PHF24: variants seen among roughly 807,000 people sequenced by gnomAD.
The protein encoded by PHF24 is PHD finger protein 24.
A neutral mutation model predicts 42.6 loss-of-function variants in PHF24; 25 were observed. The observed-to-expected ratio is 0.59, with a 90% CI of 0.43 to 0.82. The LOEUF (loss-of-function observed/expected upper bound fraction) is 0.82, where lower values mean the gene tolerates loss of function less well. Among genes scored for constraint, PHF24 ranks in the 40% least tolerant of loss-of-function variants. The pLI is 0.00. For missense variants in PHF24, 470 were observed against 538.1 expected (o/e 0.87, Z 1.25); for synonymous variants, 185 against 204.8 (o/e 0.90, Z 0.83).
chr9:34,795,684 T>TTAATTAGGA, the PHF24 span, among the ~76,000 whole-genome samples: 1 of 152,086 alleles, frequency 6.6e-6, no homozygotes, highest in African/African-American at 2.4e-5. Context: ...TAAAACTACA[T>TTAATTAGGA]TAATTAGGAT....
chr9:34,754,881 A>G, the PHF24 span, among the ~76,000 whole-genome samples: 1 of 152,238 alleles, frequency 6.6e-6, no homozygotes, highest in Non-Finnish European at 1.5e-5. Flanking sequence ...ATAAAAAACG[A>G]TGAGGTTCTG....
At chr9:34,922,590 G>A in the PHF24 span, 6 of 955,002 alleles carry the variant, frequency 6.3e-6, no homozygotes, top group South Asian at 6.5e-5. Flanking sequence ...GCTCTCGCTT[G>A]TGAAGCACTG....
the PHF24 span, among the ~76,000 whole-genome samples, chr9:34,793,984 T>C: frequency 6.6e-6 from 1 of 151,534 alleles, no homozygotes. Flanking sequence ...AAAGCCCTGG[T>C]TTTCTCACTC....
chr9:34,817,730 A>G, the PHF24 span, among the ~76,000 whole-genome samples: 9 of 152,102 alleles, frequency 5.9e-5, no homozygotes, highest in South Asian at 6.2e-4. Flanking sequence ...GAATTTATCA[A>G]TTTTTTTCTT....
At chr9:34,880,891 C>G in the PHF24 span, among the ~76,000 whole-genome samples, 2 of 152,186 alleles carry the variant, frequency 1.3e-5, no homozygotes, top group South Asian at 2.1e-4. Flanking sequence ...CACCCCAAAT[C>G]AACAGAATGT....
chr9:34,711,364 A>G, the PHF24 span, among the ~76,000 whole-genome samples: 8 of 150,880 alleles, frequency 5.3e-5, no homozygotes, highest in Admixed American at 4.6e-4. Context: ...CTTCCACCTC[A>G]GTCTCCTGAG....
the PHF24 span, among the ~76,000 whole-genome samples, chr9:34,831,744 C>G: frequency 1.3e-5 from 2 of 152,292 alleles, no homozygotes; most frequent in East Asian, 3.9e-4. Context: ...ACAGGCCCTT[C>G]TCCATTTTCT....
At chr9:34,778,894 G>A in the PHF24 span, among the ~76,000 whole-genome samples, 2 of 152,116 alleles carry the variant, frequency 1.3e-5, no homozygotes, top group African/African-American at 4.8e-5. Context: ...AAATTAAAGT[G>A]ATCAAAATCA....
the PHF24 span, among the ~76,000 whole-genome samples, chr9:34,927,258 C>G: frequency 0.017 from 2,545 of 152,234 alleles, 72 homozygotes; most frequent in African/African-American, 0.058. Context: ...GGCCCAAGCT[C>G]TGTGCAGCTG....
At chr9:34,811,778 CA>C in the PHF24 span, among the ~76,000 whole-genome samples, 2 of 151,128 alleles carry the variant, frequency 1.3e-5, no homozygotes, top group African/African-American at 2.4e-5. Context: ...GCATGAGTAA[CA>C]AAAGAAAAAA....
chr9:34,675,033 T>C, the PHF24 span, among the ~76,000 whole-genome samples: 1 of 152,096 alleles, frequency 6.6e-6, no homozygotes, highest in Non-Finnish European at 1.5e-5. Flanking sequence ...ATTTTTTGTA[T>C]TTTTAGTAGA....
the PHF24 span, among the ~76,000 whole-genome samples, chr9:34,819,947 G>A: frequency 2.0e-5 from 3 of 151,862 alleles, no homozygotes; most frequent in East Asian, 1.9e-4. Flanking sequence ...ATCAGGTTTT[G>A]TTTCCTGTAC....
the PHF24 span, among the ~76,000 whole-genome samples, chr9:34,738,426 C>T: frequency 6.6e-6 from 1 of 152,104 alleles, no homozygotes; most frequent in African/African-American, 2.4e-5. Context: ...TCTCGGCTCA[C>T]TGCAATCTCT....
chr9:34,970,944 AG>A (rs1376916517), intron 1 of PHF24, among the ~76,000 whole-genome samples: 1 of 152,154 alleles, frequency 6.6e-6, no homozygotes, highest in Admixed American at 6.5e-5. Flanking sequence ...CAAAGTTGCA[AG>A]GCCTGTCAGA....
At chr9:34,779,854 T>C in the PHF24 span, among the ~76,000 whole-genome samples, 1 of 152,198 alleles carries the variant, frequency 6.6e-6, no homozygotes, top group Non-Finnish European at 1.5e-5. Flanking sequence ...GCTTCCTGAG[T>C]AGCTGGGAGT....
At chr9:34,844,502 C>G in the PHF24 span, among the ~76,000 whole-genome samples, 2 of 152,096 alleles carry the variant, frequency 1.3e-5, no homozygotes, top group Non-Finnish European at 2.9e-5. Flanking sequence ...TCATTTGCCT[C>G]AAGATATTTT....
chr9:34,817,616 T>C, the PHF24 span, among the ~76,000 whole-genome samples: 1 of 152,182 alleles, frequency 6.6e-6, no homozygotes, highest in African/African-American at 2.4e-5. Flanking sequence ...AAGTTCTTTA[T>C]CAGACACGTG....
chr9:34,852,379 C>G, the PHF24 span, among the ~76,000 whole-genome samples: 1 of 152,184 alleles, frequency 6.6e-6, no homozygotes, highest in African/African-American at 2.4e-5. Context: ...CAAATGTCAA[C>G]TGCATATGTT....
the PHF24 span, among the ~76,000 whole-genome samples, chr9:34,893,638 G>T: frequency 6.6e-6 from 1 of 151,938 alleles, no homozygotes; most frequent in Non-Finnish European, 1.5e-5. Flanking sequence ...AAAAGAAAAA[G>T]CCATTTGGCA....
Sources: gnomAD v4.1 joint callset for allele counts (sites outside exome capture counted in the v4.1 genomes callset) on GRCh38, gnomAD v4.1.1 for gene constraint, MANE v1.5 for transcripts, NCBI Gene and HGNC (gene_info 2026-07-23, HGNC 2026-07-21) for gene names.